The following PTPRM variants were observed in gnomAD, a reference collection of about 807,000 sequenced individuals.
The protein encoded by PTPRM is receptor-type tyrosine-protein phosphatase mu.
Under a neutral mutation model 186.7 loss-of-function variants are expected in PTPRM, and 47 were observed. The ratio of observed to expected loss-of-function variants is 0.25; its 90% CI spans 0.20 to 0.32. PTPRM has a LOEUF of 0.32. Ranked by LOEUF, PTPRM falls within the 10% of genes least tolerant of loss-of-function variation. The pLI, the probability that PTPRM is intolerant of heterozygous loss-of-function variation, is 1.00. For synonymous variants in PTPRM, 668 were observed against 674.9 expected (o/e 0.99, Z 0.16); for missense variants, 1,494 against 1,865.0 (o/e 0.80, Z 3.66).
Position 7,898,213 on chromosome 18 carries a change from A to T in PTPRM, c.469-8292A>T, listed in dbSNP as rs548736803. On this transcript the variant is annotated intron_variant, in intron 3 of 32. Coordinates refer to ENST00000580170, the MANE Select transcript of PTPRM (RefSeq NM_001105244.2). ...GATAAAGTTTTTGTAAATGGGTGTG[A>T]CCCACCTTTGCATTTTATTTAAATC... 2.0e-5 allele frequency among the ~76,000 whole-genome samples: 3 copies of T among 152,308 alleles called. No homozygotes were observed. In the East Asian group the frequency reaches 5.8e-4, roughly 29 times the overall value.
In PTPRM at chr18:7,960,365, C is replaced by A. The variant is rs373519539; in HGVS notation, c.1132+4951C>A. On this transcript the variant is annotated intron_variant, in intron 7 of 32. Coordinates refer to ENST00000580170, the MANE Select transcript of PTPRM (RefSeq NM_001105244.2). ...GCATCCGTATTTGCCGGGCACTATT[C>A]CAAGCCCTGCCAGTAGAGTGACAAG... Among the ~76,000 whole-genome samples, 6 of 151,276 alleles carry A rather than the reference C, an allele frequency of 4.0e-5. No homozygotes were observed. The East Asian group carries it at 1.2e-3, about 29-fold the overall frequency.
intron 7 of PTPRM, among the ~76,000 whole-genome samples, chr18:8,009,711 A>T (rs1447253055): frequency 6.6e-6 from 1 of 152,174 alleles, no homozygotes; most frequent in Non-Finnish European, 1.5e-5. Flanking sequence ...CTATCTCAAA[A>T]AAATAAATAA....
chr18:8,188,710 T>C (rs2146678150), intron 14 of PTPRM, among the ~76,000 whole-genome samples: 1 of 152,298 alleles, frequency 6.6e-6, no homozygotes, highest in South Asian at 2.1e-4. Flanking sequence ...AAGAGCAAAA[T>C]ATAATTTTCT....
intron 19 of PTPRM, among the ~76,000 whole-genome samples, chr18:8,261,524 G>T (rs2094631328): frequency 6.6e-6 from 1 of 152,192 alleles, no homozygotes; most frequent in Admixed American, 6.5e-5. Context: ...TAATGCAATA[G>T]AGAGTTGGTT....
chr18:8,341,101 C>A (rs1214949547), intron 22 of PTPRM, among the ~76,000 whole-genome samples: 1 of 151,980 alleles, frequency 6.6e-6, no homozygotes, highest in Non-Finnish European at 1.5e-5. Flanking sequence ...TAATTATGCT[C>A]CTTCTGAAGA....
At chr18:7,708,268 G>A (rs570353074) in intron 1 of PTPRM, among the ~76,000 whole-genome samples, 4 of 152,266 alleles carry the variant, frequency 2.6e-5, no homozygotes, top group Admixed American at 6.5e-5. Context: ...CATCAACCCA[G>A]TGGATGGTTC....
chr18:7,595,586 C>T (rs2143679465), intron 1 of PTPRM, among the ~76,000 whole-genome samples: 1 of 152,124 alleles, frequency 6.6e-6, no homozygotes, highest in African/African-American at 2.4e-5. Context: ...TAAGGGAGGC[C>T]CAGCATGTCA....
intron 1 of PTPRM, among the ~76,000 whole-genome samples, chr18:7,732,644 C>T (rs191323868): frequency 4.6e-5 from 7 of 151,982 alleles, no homozygotes; most frequent in Admixed American, 3.3e-4. Flanking sequence ...GTAGCTGGAA[C>T]TACAGGTATG....
chr18:8,396,727 T>A (rs1158240245), intron 32 of PTPRM, among the ~76,000 whole-genome samples: 2 of 152,210 alleles, frequency 1.3e-5, no homozygotes, highest in Non-Finnish European at 2.9e-5. Context: ...GGTCAGGGTC[T>A]GAGAAATGTA....
intron 1 of PTPRM, among the ~76,000 whole-genome samples, chr18:7,749,918 G>A (rs1176155584): frequency 6.6e-6 from 1 of 152,160 alleles, no homozygotes; most frequent in African/African-American, 2.4e-5. Flanking sequence ...TAAGCAAGTG[G>A]GATAAAAGCC....
chr18:8,327,100 TG>T (rs2148128984), intron 22 of PTPRM, among the ~76,000 whole-genome samples: 1 of 152,336 alleles, frequency 6.6e-6, no homozygotes, highest in Admixed American at 6.5e-5. Context: ...AAACTTAAAC[TG>T]TGCATAGTTA....
chr18:8,029,679 G>A (rs577898843), intron 7 of PTPRM, among the ~76,000 whole-genome samples: 68 of 152,280 alleles, frequency 4.5e-4, no homozygotes, highest in African/African-American at 1.6e-3. Context: ...TTACATGTCA[G>A]TCTTCCCCAC....
At chr18:8,151,193 A>G (rs1001086726) in intron 14 of PTPRM, among the ~76,000 whole-genome samples, 1 of 152,170 alleles carries the variant, frequency 6.6e-6, no homozygotes, top group African/African-American at 2.4e-5. Flanking sequence ...CAGAGCTGCC[A>G]GGTAGGGACA....
chr18:8,183,451 G>T (rs950767420), intron 14 of PTPRM, among the ~76,000 whole-genome samples: 2 of 152,200 alleles, frequency 1.3e-5, no homozygotes, highest in African/African-American at 4.8e-5. Context: ...AGAAGCTAAT[G>T]CTGTGTTGTT....
chr18:8,355,145 T>G (rs1478872757), intron 23 of PTPRM, among the ~76,000 whole-genome samples: 2 of 151,884 alleles, frequency 1.3e-5, no homozygotes, highest in Admixed American at 1.3e-4. Context: ...TAAGACAAAT[T>G]AAGTGTGTCC....
At position 7,631,835 on chromosome 18, in the gene PTPRM, T is replaced by C. The variant is rs537527601; in HGVS notation, c.73+63944T>C. 2.2e-3 allele frequency among the ~76,000 whole-genome samples: 335 copies of C among 152,252 alleles called. 2 individuals are homozygous for C. The highest frequency in any genetic ancestry group is 6.8e-3 in the South Asian group (33 of 4,832). On this transcript the variant is annotated intron_variant, in intron 1 of 32. Coordinates refer to ENST00000580170, the MANE Select transcript of PTPRM (RefSeq NM_001105244.2). The stretch of plus-strand genomic sequence containing the variant: ...ACTGCCCTCTCTCTTGAGTCTGGGG[T>C]ATTTTTGCAATTATTCTAGCACTAC...
At chr18:8,065,758 T>C (rs2089018757) in intron 7 of PTPRM, among the ~76,000 whole-genome samples, 1 of 152,198 alleles carries the variant, frequency 6.6e-6, no homozygotes, top group African/African-American at 2.4e-5. Context: ...TTTATCTAAC[T>C]GTAAGAGATC....
intron 7 of PTPRM, among the ~76,000 whole-genome samples, chr18:8,034,307 A>T (rs767326411): frequency 2.6e-5 from 4 of 152,064 alleles, no homozygotes; most frequent in Non-Finnish European, 5.9e-5. Context: ...GTCTCAACCC[A>T]CTATAGTGTC....
chr18:7,637,852 A>C (rs571558504), intron 1 of PTPRM, among the ~76,000 whole-genome samples: 1 of 152,314 alleles, frequency 6.6e-6, no homozygotes, highest in African/African-American at 2.4e-5. Context: ...GCTTTTCCTT[A>C]ATTTAACAAA....
Sources: gnomAD v4.1 joint callset for allele counts (sites outside exome capture counted in the v4.1 genomes callset) on GRCh38, gnomAD v4.1.1 for gene constraint, MANE v1.5 for transcripts, NCBI Gene and HGNC (gene_info 2026-07-23, HGNC 2026-07-21) for gene names.